The following HPCAL1 variants were observed in gnomAD, a reference collection of about 807,000 sequenced individuals.
The protein encoded by HPCAL1 is hippocalcin-like protein 1.
A neutral mutation model predicts 17.1 loss-of-function variants in HPCAL1; 8 were observed. The observed-to-expected ratio is 0.47, with a 90% CI of 0.27 to 0.84. The LOEUF is 0.84. HPCAL1 is among the 40% of genes least tolerant of loss of function. The pLI is 0.13. For missense variants in HPCAL1, 165 were observed against 271.1 expected (o/e 0.61, Z 2.75); for synonymous variants, 112 against 111.4 (o/e 1.01, Z -0.03).
Position 10,420,144 on chromosome 2 carries a change from G to C in HPCAL1, c.378+9G>C. On this transcript the variant is annotated intron_variant, in intron 3 of 4. Transcript: ENST00000307845. Reference sequence around the variant, plus strand: ...TGCTGGAGATCGTGCAGGTACCGGCGCCCGAGGCCCCGGGTCTCACCGCGG... The same window carrying C: ...TGCTGGAGATCGTGCAGGTACCGGCCCCCGAGGCCCCGGGTCTCACCGCGG... The C allele has an allele frequency of 1.3e-6, 2 of 1,597,938 alleles. No individual in the cohort carries two copies. Among genetic ancestry groups the C allele is most frequent in the East Asian group, 2.2e-5 (1 of 44,480 alleles).
At chr2:10,406,005 G>A (rs1558524561) in intron 2 of HPCAL1, among the ~76,000 whole-genome samples, 1 of 152,184 alleles carries the variant, frequency 6.6e-6, no homozygotes, top group Non-Finnish European at 1.5e-5. Context: ...GGTGTTCTAT[G>A]GAGCATTACC....
chr2:10,416,694 A>C (rs1670693228), intron 2 of HPCAL1, among the ~76,000 whole-genome samples: 1 of 147,122 alleles, frequency 6.8e-6, no homozygotes, highest in African/African-American at 2.5e-5. Context: ...TTCTGATTTT[A>C]CATTCCCTTT....
At chr2:10,327,699 A>T (rs866339795) in intron 1 of HPCAL1, among the ~76,000 whole-genome samples, 1 of 152,070 alleles carries the variant, frequency 6.6e-6, no homozygotes, top group African/African-American at 2.4e-5. Context: ...CCAATTTTCC[A>T]TAGTCATCTG....
At position 10,363,431 on chromosome 2, in the gene HPCAL1, G is replaced by C. The variant is rs142950629; in HGVS notation, c.-110-33404G>C. Reference sequence around the variant, plus strand: ...TAACTTGGATCGACTGAAGAACCTCGGGGCTTTCTTGGCTGTTTGTAGGAG... The same window carrying C: ...TAACTTGGATCGACTGAAGAACCTCCGGGCTTTCTTGGCTGTTTGTAGGAG... On this transcript the variant is annotated intron_variant, in intron 1 of 4. Transcript: ENST00000307845. This position sits in a 1 kb window ranked among gnomAD's most constrained non-coding sequence, Gnocchi z 4.7. 6.6e-6 allele frequency among the ~76,000 whole-genome samples: 1 copy of C among 152,160 alleles called. No individual in the cohort carries two copies. Among genetic ancestry groups the C allele is most frequent in the Non-Finnish European group, 1.5e-5 (1 of 68,038 alleles).
chr2:10,335,606 A>G (rs1475458407), intron 1 of HPCAL1, among the ~76,000 whole-genome samples: 1 of 152,186 alleles, frequency 6.6e-6, no homozygotes, highest in Non-Finnish European at 1.5e-5. Flanking sequence ...ATACGAGCAC[A>G]CCCTGAGAAT....
intron 2 of HPCAL1, among the ~76,000 whole-genome samples, chr2:10,409,787 T>TC (rs1670223063): frequency 5.1e-5 from 5 of 98,548 alleles, no homozygotes; most frequent in African/African-American, 1.3e-4. Context: ...CTTTTTTTTT[T>TC]TTTTTTTTTT....
At chr2:10,320,256 A>G (rs959875286) in intron 1 of HPCAL1, among the ~76,000 whole-genome samples, 1 of 151,972 alleles carries the variant, frequency 6.6e-6, no homozygotes, top group Non-Finnish European at 1.5e-5. Flanking sequence ...ATGGACGGAT[A>G]TGGTTTGGAT....
At chr2:10,309,707 G>A (rs1662836059) in intron 1 of HPCAL1, among the ~76,000 whole-genome samples, 2 of 152,224 alleles carry the variant, frequency 1.3e-5, no homozygotes, top group African/African-American at 2.4e-5. Context: ...GGCGTTGAAT[G>A]CAGTGGTGCT....
At chr2:10,327,600 C>T (rs1664094383) in intron 1 of HPCAL1, among the ~76,000 whole-genome samples, 2 of 152,126 alleles carry the variant, frequency 1.3e-5, no homozygotes, top group Admixed American at 6.5e-5. Context: ...CAACTAACTG[C>T]ATTTGTGTTA....
chr2:10,410,516 TG>T (rs1216206898), intron 2 of HPCAL1, among the ~76,000 whole-genome samples: 4 of 143,934 alleles, frequency 2.8e-5, no homozygotes, highest in African/African-American at 5.1e-5. Flanking sequence ...CAGAGGTGGC[TG>T]TAAGTGACTC....
chr2:10,324,966 G>A (rs1032717094), intron 1 of HPCAL1, among the ~76,000 whole-genome samples: 1 of 151,192 alleles, frequency 6.6e-6, no homozygotes, highest in African/African-American at 2.4e-5. Context: ...GGGATTGCAG[G>A]CCTGCACCAC....
intron 1 of HPCAL1, among the ~76,000 whole-genome samples, chr2:10,353,261 C>G (rs1300960262): frequency 6.6e-6 from 1 of 152,170 alleles, no homozygotes; most frequent in Admixed American, 6.5e-5. Context: ...CGCATGGGAC[C>G]TACTATTATT....
chr2:10,311,781 A>G (rs920101274), intron 1 of HPCAL1, among the ~76,000 whole-genome samples: 4 of 152,026 alleles, frequency 2.6e-5, no homozygotes, highest in Non-Finnish European at 5.9e-5. Flanking sequence ...CATTATCACT[A>G]TCATATCCAT....
rs961502136 is a variant in HPCAL1, at chr2:10,359,523, TC to T, written c.-110-37309del. 3.3e-5 allele frequency among the ~76,000 whole-genome samples: 5 copies of T among 152,208 alleles called. No individual in the cohort carries two copies. The highest frequency in any genetic ancestry group is 1.2e-4 in the African/African-American group (5 of 41,454). On this transcript the variant is annotated intron_variant, in intron 1 of 4. Transcript: ENST00000307845. This position sits in a 1 kb window ranked among gnomAD's most constrained non-coding sequence, Gnocchi z 4.1. ...AGAGTTGGCCCAGAGGGAACATTTC[TC>T]CCACCCTCTGTCCCTCGGGGACCCC...
intron 1 of HPCAL1, among the ~76,000 whole-genome samples, chr2:10,335,958 A>G (rs1394247887): frequency 6.6e-6 from 1 of 152,160 alleles, no homozygotes; most frequent in Non-Finnish European, 1.5e-5. Flanking sequence ...TCTGCTGTAA[A>G]TTAATTGCAT....
chr2:10,371,369 T>C (rs181723088), intron 1 of HPCAL1, among the ~76,000 whole-genome samples: 266 of 138,696 alleles, frequency 1.9e-3, no homozygotes, highest in Non-Finnish European at 3.2e-3. Context: ...GAGCTTTTCC[T>C]AAATCATTCG....
rs375284056 is a variant in HPCAL1 at position 10,426,827 on chromosome 2, C to T, written c.*6C>T. The T allele has an allele frequency of 3.1e-5, 50 of 1,610,206 alleles. No homozygotes were observed. The highest frequency in any genetic ancestry group is 9.3e-5 in the African/African-American group (7 of 74,872). ...GCAGTGCCAGTCAGTTCTGAGCGAG[C>T]GGCCCCTGGACAGTTGCAGAGAAAC... On this transcript the variant is annotated 3_prime_UTR_variant, in exon 5 of 5. Coordinates refer to ENST00000307845, the MANE Select transcript of HPCAL1 (RefSeq NM_002149.4).
chr2:10,417,106 T>TA (rs1670721485), intron 2 of HPCAL1, among the ~76,000 whole-genome samples: 1 of 152,222 alleles, frequency 6.6e-6, no homozygotes, highest in South Asian at 2.1e-4. Flanking sequence ...CTCACACCTG[T>TA]AATCCCAGCA....
intron 2 of HPCAL1, among the ~76,000 whole-genome samples, chr2:10,415,281 T>G (rs1670590791): frequency 6.6e-6 from 1 of 152,154 alleles, no homozygotes; most frequent in Non-Finnish European, 1.5e-5. Context: ...CTGCTTGTTT[T>G]GCCACTCACT....
Sources: allele counts gnomAD v4.1 joint callset (sites outside exome capture counted in the v4.1 genomes callset), GRCh38; gene constraint gnomAD v4.1.1; non-coding constraint Gnocchi (gnomAD v3.1); transcripts MANE v1.5; gene names NCBI Gene and HGNC (gene_info 2026-07-23, HGNC 2026-07-21).